The following DOP1A variants were observed in gnomAD, a reference collection of about 807,000 sequenced individuals.
DOP1A encodes protein DOP1A.
In DOP1A, 90 loss-of-function variants were observed where a neutral mutation model predicts 267.6. The observed-to-expected ratio is 0.34, with a 90% CI of 0.28 to 0.40. The LOEUF (loss-of-function observed/expected upper bound fraction) is 0.40, where lower values mean the gene tolerates loss of function less well. Ranked by LOEUF, DOP1A falls within the 10% of genes least tolerant of loss-of-function variation. The pLI is 1.00. For missense variants in DOP1A, 2,437 were observed against 2,900.4 expected, an observed-to-expected ratio of 0.84 and a Z score of 3.67; for synonymous variants, 932 against 999.1, an observed-to-expected ratio of 0.93 and a Z score of 1.27.
At chr6:83,116,779 C>G (rs1238338545) in intron 7 of DOP1A, among the ~76,000 whole-genome samples, 1 of 152,136 alleles carries the variant, frequency 6.6e-6, no homozygotes, top group East Asian at 1.9e-4. Flanking sequence ...ACACTGCACT[C>G]CATCCTGGGC....
chr6:83,169,262 A>G (rs746702734), downstream of DOP1A: 24 of 1,613,982 alleles, frequency 1.5e-5, no homozygotes, highest in East Asian at 3.1e-4. Flanking sequence ...CCTTTCTCCA[A>G]TTCCTCCAGC....
Position 83,110,179 on chromosome 6 carries a change from C to T in DOP1A, c.546C>T (p.Tyr182=). The T allele has an allele frequency of 1.9e-6, 3 of 1,613,790 alleles. No homozygotes were observed. The highest frequency in any genetic ancestry group is 1.7e-6 in the Non-Finnish European group (2 of 1,179,808). The change falls in exon 6 of 39, where the codon TAC becomes TAT. Residue 182 remains tyrosine (Y), a synonymous_variant. Coordinates refer to ENST00000349129, the MANE Select transcript of DOP1A (RefSeq NM_015018.4). ...CTGCTGTGGACCAGTCAGCATTCTA[C>T]AGTGCCCTGTGGGGTAGTCTTCTCA... is the stretch of plus-strand genomic sequence containing the variant. The part of the protein sequence containing the change: ...VAAAVDQSAF[Y]SALWGSLLTS...
intron 11 of DOP1A, 114 bp from the exon 12 acceptor site, chr6:83,122,749 A>G: frequency 2.9e-6 from 2 of 691,160 alleles, no homozygotes; most frequent in South Asian, 6.9e-5. Flanking sequence ...TCTTCTTACT[A>G]GCACATTTTC....
At chr6:83,068,658 G>A (rs1431558324) in intron 1 of DOP1A, among the ~76,000 whole-genome samples, 1 of 152,284 alleles carries the variant, frequency 6.6e-6, no homozygotes, top group East Asian at 1.9e-4. Context: ...GATGTTGTTG[G>A]CCATTGTCTA....
chr6:83,137,339 A>G lies in DOP1A; in HGVS notation c.3297A>G (p.Pro1099=). Residue 1099 remains proline (P), a synonymous_variant, in exon 21 of 39, where the codon CCA becomes CCG. Transcript: ENST00000349129. ...IPMVVSDFDL[P]DQQIEILQSS... is the part of the protein sequence containing the mutation. ...TGGTTGTGTCTGATTTTGATCTTCC[A>G]GACCAACAGATAGAAATACTTCAGA... 6.2e-7 allele frequency: 1 copy of G among 1,613,846 alleles called. No homozygotes were observed. The highest frequency in any genetic ancestry group is 2.2e-5 in the East Asian group (1 of 44,866).
intron 1 of DOP1A, among the ~76,000 whole-genome samples, chr6:83,086,294 A>G (rs896338559): frequency 6.6e-6 from 1 of 152,216 alleles, no homozygotes; most frequent in Admixed American, 6.5e-5. Flanking sequence ...TAAGCTAGAG[A>G]AAAGAAAATA....
At chr6:83,125,072 A>G (rs963480596) in intron 13 of DOP1A, 94 bp from the exon 14 acceptor site, 9 of 1,179,484 alleles carry the variant, frequency 7.6e-6, no homozygotes, top group South Asian at 1.4e-5. Context: ...CTAATGCTGC[A>G]TTTATATTAA....
At chr6:83,089,425 T>G (rs1284727196) in intron 1 of DOP1A, among the ~76,000 whole-genome samples, 1 of 152,170 alleles carries the variant, frequency 6.6e-6, no homozygotes, top group Non-Finnish European at 1.5e-5. Flanking sequence ...TAAACAGCTT[T>G]TTTGCTTTAT....
At chr6:83,121,578 T>C (rs554982066) in intron 10 of DOP1A, among the ~76,000 whole-genome samples, 3 of 151,888 alleles carry the variant, frequency 2.0e-5, no homozygotes, top group African/African-American at 7.2e-5. Context: ...CAAATATTTT[T>C]TCTAACCCTT....
At chr6:83,108,883 TCTC>T (rs1370156639) in intron 4 of DOP1A, 24 bp from the exon 5 acceptor site, 1 of 1,592,790 alleles carries the variant, frequency 6.3e-7, no homozygotes, top group Non-Finnish European at 8.5e-7. Flanking sequence ...TTTGCTTCCT[TCTC>T]CTTTGTCTTT....
At position 83,137,507 on chromosome 6, in the gene DOP1A, C is replaced by T. The variant is rs372112376; in HGVS notation, c.3465C>T (p.Asp1155=). Residue 1155 remains aspartate (D), a synonymous_variant, in exon 21 of 39, where the codon GAC becomes GAT. Transcript: ENST00000349129. ...ATGATGTTCAACAGGTAGTATTTGA[C>T]CTGATATGTAAAGTTGTAAGTGGCC... The part of the protein sequence containing the change: ...PDDDVQQVVF[D]LICKVVSGLE... The T allele has an allele frequency of 4.9e-5, 79 of 1,613,602 alleles. No individual in the cohort carries two copies. In the Middle Eastern group the frequency reaches 6.6e-4, roughly 13 times the overall value.
Position 83,130,290 on chromosome 6 carries a change from C to T in DOP1A, c.2509C>T (p.Pro837Ser). The T allele has an allele frequency of 6.2e-7, 1 of 1,613,968 alleles. No individual in the cohort carries two copies. Among genetic ancestry groups the T allele is most frequent in the Non-Finnish European group, 8.5e-7 (1 of 1,179,946 alleles). Residue 837 changes from proline (P) to serine (S), a missense_variant, in exon 17 of 39, where the codon CCT becomes TCT. Pro to Ser is a moderately conservative substitution (Grantham distance 74, BLOSUM62 -1). Coordinates refer to ENST00000349129, the MANE Select transcript of DOP1A (RefSeq NM_015018.4). ...TGGGGAAAACATCAACAGTGTAGAG[C>T]CTGCACAACCCTTAAGTCCAAACCA... is the stretch of plus-strand genomic sequence containing the variant. ...VTGENINSVE[P>S]AQPLSPNQGR...
chr6:83,142,476 C>T (rs1205240685), intron 24 of DOP1A, among the ~76,000 whole-genome samples: 1 of 151,798 alleles, frequency 6.6e-6, no homozygotes, highest in Non-Finnish European at 1.5e-5. Context: ...CCACTGCACT[C>T]CAGCCTGGGC....
intron 7 of DOP1A, among the ~76,000 whole-genome samples, chr6:83,116,249 A>G (rs1775411244): frequency 6.6e-6 from 1 of 152,228 alleles, no homozygotes; most frequent in South Asian, 2.1e-4. Flanking sequence ...TGAACTTTTC[A>G]TATTCTATTC....
intron 9 of DOP1A, among the ~76,000 whole-genome samples, chr6:83,120,136 T>C (rs1468291772): frequency 6.6e-6 from 1 of 152,014 alleles, no homozygotes; most frequent in African/African-American, 2.4e-5. Flanking sequence ...TCAATGGAAG[T>C]TGGAGCTTTT....
intron 21 of DOP1A, among the ~76,000 whole-genome samples, chr6:83,139,541 C>G (rs1292218947): frequency 1.3e-5 from 2 of 152,126 alleles, no homozygotes; most frequent in African/African-American, 4.8e-5. Context: ...CAAATCTTTT[C>G]CATCCAATTT....
chr6:83,085,854 G>A (rs889141184), intron 1 of DOP1A, among the ~76,000 whole-genome samples: 2 of 150,178 alleles, frequency 1.3e-5, no homozygotes, highest in African/African-American at 4.9e-5. Context: ...ACAGAGTCTC[G>A]CTCTATCGCC....
chr6:83,142,166 C>T, intron 24 of DOP1A, 120 bp downstream of exon 24: 2 of 1,235,588 alleles, frequency 1.6e-6, no homozygotes, highest in Non-Finnish European at 1.1e-6. Context: ...AAAAGTCTGT[C>T]GACAGCTTTA....
intron 34 of DOP1A, among the ~76,000 whole-genome samples, chr6:83,156,431 T>C (rs574908690): frequency 2.0e-5 from 3 of 152,312 alleles, no homozygotes; most frequent in Non-Finnish European, 4.4e-5. Context: ...ATTTGTGTAC[T>C]CTGAGAAGAC....
Sources: allele counts gnomAD v4.1 joint callset (sites outside exome capture counted in the v4.1 genomes callset), GRCh38; gene constraint gnomAD v4.1.1; transcripts MANE v1.5; gene names NCBI Gene and HGNC (gene_info 2026-07-23, HGNC 2026-07-21).